Variants in GRID2 observed in about 807,000 individuals in gnomAD.
The protein encoded by GRID2 is glutamate ionotropic receptor delta type subunit 2, also known as glutamate receptor ionotropic, delta-2.
GRID2 carries 33 observed loss-of-function variants against 114.8 expected under a neutral mutation model. That is an observed-to-expected ratio of 0.29 (90% confidence interval 0.22 to 0.38). The LOEUF (loss-of-function observed/expected upper bound fraction) is 0.38, where lower values mean the gene tolerates loss of function less well. GRID2 is among the 10% of genes least tolerant of loss of function. The pLI is 1.00. For missense variants in GRID2, 1,184 were observed against 1,257.7 expected (o/e 0.94, Z 0.89); for synonymous variants, 505 against 449.9 (o/e 1.12, Z -1.55).
intron 1 of GRID2, among the ~76,000 whole-genome samples, chr4:93,790,367 G>A (rs963961905): frequency 6.6e-6 from 1 of 151,966 alleles, no homozygotes; most frequent in Non-Finnish European, 1.5e-5. Flanking sequence ...TGATTACTTA[G>A]AATCTAAAAT....
intron 1 of GRID2, among the ~76,000 whole-genome samples, chr4:92,443,868 G>T (rs1187485048): frequency 6.6e-6 from 1 of 152,198 alleles, no homozygotes; most frequent in East Asian, 1.9e-4. Context: ...ACCAAGGGAA[G>T]GCTGCCTTTC....
chr4:93,631,222 T>TG (rs1743216252), intron 14 of GRID2, among the ~76,000 whole-genome samples: 1 of 152,240 alleles, frequency 6.6e-6, no homozygotes, highest in East Asian at 1.9e-4. Flanking sequence ...TTCTCTTTTT[T>TG]TTTTATTATT....
At chr4:93,092,804 C>G (rs970695571) in intron 3 of GRID2, among the ~76,000 whole-genome samples, 2 of 151,864 alleles carry the variant, frequency 1.3e-5, no homozygotes, top group Non-Finnish European at 2.9e-5. Flanking sequence ...CTGTTGACAA[C>G]AGATCAGCAG....
chr4:92,969,171 A>G (rs1260618343), intron 2 of GRID2, among the ~76,000 whole-genome samples: 1 of 151,470 alleles, frequency 6.6e-6, no homozygotes, highest in Non-Finnish European at 1.5e-5. Flanking sequence ...AGTAAAGTCA[A>G]ATTATTTTTG....
intron 13 of GRID2, among the ~76,000 whole-genome samples, chr4:93,585,799 A>T (rs1239333541): frequency 2.0e-5 from 3 of 152,108 alleles, no homozygotes; most frequent in African/African-American, 7.2e-5. Flanking sequence ...AAAAAAAATG[A>T]AATCTATGCA....
chr4:92,774,636 G>T (rs941552327), intron 2 of GRID2, among the ~76,000 whole-genome samples: 11 of 132,656 alleles, frequency 8.3e-5, no homozygotes, highest in Middle Eastern at 5.0e-3. Flanking sequence ...AGGCTGAAGT[G>T]CAGTGCAGTG....
intron 1 of GRID2, among the ~76,000 whole-genome samples, chr4:93,803,863 A>G (rs1167070254): frequency 6.6e-6 from 1 of 152,246 alleles, no homozygotes; most frequent in African/African-American, 2.4e-5. Context: ...ACAATTGAAA[A>G]AGCAGACAAA....
At chr4:93,111,170 A>G (rs578184696) in intron 4 of GRID2, among the ~76,000 whole-genome samples, 118 of 152,312 alleles carry the variant, frequency 7.7e-4, no homozygotes, top group Non-Finnish European at 9.4e-4. Flanking sequence ...ATATATATTT[A>G]GGCACATAGA....
intron 2 of GRID2, among the ~76,000 whole-genome samples, chr4:92,654,407 G>T (rs2149264390): frequency 6.6e-6 from 1 of 152,098 alleles, no homozygotes; most frequent in East Asian, 1.9e-4. Context: ...ATTTCAAGGA[G>T]ATACAAAGAT....
chr4:93,483,515 T>C (rs1726074474), intron 11 of GRID2, among the ~76,000 whole-genome samples: 1 of 151,980 alleles, frequency 6.6e-6, no homozygotes, highest in Non-Finnish European at 1.5e-5. Context: ...AATTAATTGC[T>C]TTTTCATATT....
intron 2 of GRID2, among the ~76,000 whole-genome samples, chr4:92,648,560 A>T (rs1731760178): frequency 6.7e-6 from 1 of 149,584 alleles, no homozygotes; most frequent in Admixed American, 6.6e-5. Context: ...CCTTCACTGA[A>T]GTTACATTCT....
intron 2 of GRID2, among the ~76,000 whole-genome samples, chr4:92,722,269 A>G (rs1292070993): frequency 6.6e-6 from 1 of 152,196 alleles, no homozygotes; most frequent in East Asian, 1.9e-4. Flanking sequence ...TGCATGCTAC[A>G]AACACTTTAG....
At chr4:92,787,800 G>A (rs1323926226) in intron 2 of GRID2, among the ~76,000 whole-genome samples, 1 of 151,860 alleles carries the variant, frequency 6.6e-6, no homozygotes, top group Non-Finnish European at 1.5e-5. Flanking sequence ...ATCCTGATAA[G>A]AGATGGTGCT....
At chr4:92,552,244 GAAA>G (rs560333310) in intron 1 of GRID2, among the ~76,000 whole-genome samples, 1 of 123,878 alleles carries the variant, frequency 8.1e-6, no homozygotes. Flanking sequence ...AAGCAAAAAT[GAAA>G]AAAAAAAAAA....
chr4:92,776,982 A>G (rs1276807066), intron 2 of GRID2, among the ~76,000 whole-genome samples: 1 of 152,058 alleles, frequency 6.6e-6, no homozygotes, highest in African/African-American at 2.4e-5. Context: ...TAATTAAGAA[A>G]ATGATTGCAA....
rs1578714806 is a variant in GRID2 at position 93,743,118 on chromosome 4, G to T, written c.2361-26092G>T. Reference sequence around the variant, plus strand: ...ACTGAAAATGGAGAAAGTTTAATTGGTCTGGATAGAAGATCATACCAGCCA... The same window carrying T: ...ACTGAAAATGGAGAAAGTTTAATTGTTCTGGATAGAAGATCATACCAGCCA... On this transcript the variant is annotated intron_variant, in intron 14 of 15. Transcript: ENST00000282020. Among the ~76,000 whole-genome samples the T allele has an allele frequency of 2.6e-5, 4 of 152,284 alleles. No homozygotes were observed. The South Asian group carries it at 8.3e-4, about 32-fold the overall frequency.
intron 1 of GRID2, among the ~76,000 whole-genome samples, chr4:92,344,885 T>TA (rs528545819): frequency 1.6e-4 from 24 of 152,138 alleles, no homozygotes; most frequent in African/African-American, 5.3e-4. Flanking sequence ...ATACCACCTT[T>TA]AAAAAAAATT....
chr4:93,528,173 T>C (rs1731105181), intron 13 of GRID2, among the ~76,000 whole-genome samples: 1 of 151,778 alleles, frequency 6.6e-6, no homozygotes, highest in African/African-American at 2.4e-5. Flanking sequence ...TGTATATACA[T>C]ATACACACAC....
At chr4:92,847,923 A>G (rs1471420393) in intron 2 of GRID2, among the ~76,000 whole-genome samples, 1 of 151,960 alleles carries the variant, frequency 6.6e-6, no homozygotes, top group Non-Finnish European at 1.5e-5. Flanking sequence ...TTGTGCATTC[A>G]GTGTATATGT....
Sources: gnomAD v4.1 joint callset for allele counts (sites outside exome capture counted in the v4.1 genomes callset) on GRCh38, gnomAD v4.1.1 for gene constraint, MANE v1.5 for transcripts, NCBI Gene and HGNC (gene_info 2026-07-23, HGNC 2026-07-21) for gene names.